The following MGST1 variants were observed in gnomAD, a reference collection of about 807,000 sequenced individuals.
MGST1 encodes glutathione S-transferase 12.
Under a neutral mutation model 8.9 loss-of-function variants are expected in MGST1, and 5 were observed. The observed-to-expected ratio is 0.56, with a 90% CI of 0.29 to 1.19. The LOEUF (loss-of-function observed/expected upper bound fraction) is 1.19. Ranked by LOEUF, MGST1 falls within the 50% of genes most tolerant of loss-of-function variation. The pLI, the probability that MGST1 is intolerant of heterozygous loss-of-function variation, is 0.08. For synonymous variants in MGST1, 54 were observed against 67.8 expected (o/e 0.80, Z 1.00); for missense variants, 182 against 187.4 (o/e 0.97, Z 0.17).
chr12:16,497,460 A>C lies in MGST1; in HGVS notation n.483-92068A>C, dbSNP rs1191552003. On this transcript the variant is annotated intron_variant and non_coding_transcript_variant, in intron 4 of 4. Coordinates refer to the MGST1 transcript ENST00000538857. The surrounding 1 kb of genome is among the most constrained non-coding windows in gnomAD (Gnocchi z 4.4). The stretch of plus-strand genomic sequence containing the variant: ...TGGAATGAAGACTGCACATTCTCAC[A>C]CTGCATCATGGTAAAGTGAAAAGAG... Among the ~76,000 whole-genome samples the C allele has an allele frequency of 6.6e-6, 1 of 152,190 alleles. No individual in the cohort carries two copies. The highest frequency in any genetic ancestry group is 1.9e-4 in the East Asian group (1 of 5,198).
At chr12:16,377,040 A>C (rs1362462006) in exon 4 of MGST1, 1 of 152,078 alleles carries the variant, frequency 6.6e-6, no homozygotes, top group Non-Finnish European at 1.5e-5. Context: ...AGCTTATCAA[A>C]ACTTACATTA....
At chr12:16,561,886 G>A (rs1321494929) in intron 4 of MGST1, among the ~76,000 whole-genome samples, 2 of 152,260 alleles carry the variant, frequency 1.3e-5, no homozygotes, top group African/African-American at 4.8e-5. Context: ...TAAAGACTTT[G>A]CTAACATAGT....
intron 4 of MGST1, among the ~76,000 whole-genome samples, chr12:16,462,258 C>T (rs1249015696): frequency 1.3e-5 from 2 of 152,140 alleles, no homozygotes; most frequent in African/African-American, 2.4e-5. Context: ...AATTTTTAAA[C>T]TTCCAACCAA....
intron 1 of MGST1, among the ~76,000 whole-genome samples, chr12:16,388,117 G>A (rs1940520785): frequency 6.6e-6 from 1 of 151,488 alleles, no homozygotes; most frequent in Admixed American, 6.6e-5. Flanking sequence ...TTAAGTTGGT[G>A]CAAAAGTAAT....
intron 4 of MGST1, among the ~76,000 whole-genome samples, chr12:16,489,354 G>A (rs1186969245): frequency 2.0e-5 from 3 of 151,966 alleles, no homozygotes; most frequent in Admixed American, 6.6e-5. Flanking sequence ...GTTTTTGAGC[G>A]ATTCTTAGTG....
At chr12:16,357,476 C>A in intron 2 of MGST1, 129 bp from the exon 3 acceptor site, 1 of 701,142 alleles carries the variant, frequency 1.4e-6, no homozygotes, top group South Asian at 2.1e-5. Flanking sequence ...CCTATGTTGC[C>A]CAGGCTGATC....
Position 16,389,965 on chromosome 12 carries a change from G to C in MGST1, n.778+6361G>C, listed in dbSNP as rs964175849. Among the ~76,000 whole-genome samples the C allele has an allele frequency of 2.2e-4, 34 of 152,222 alleles. No individual in the cohort carries two copies. The highest frequency in any genetic ancestry group is 7.7e-4 in the African/African-American group (32 of 41,464). ...GAAAAGGGAGTTGAAGTGCAATACA[G>C]ACTGCAGCTCCATCCGTCAGAGGGT... On this transcript the variant is annotated intron_variant and non_coding_transcript_variant, in intron 1 of 1. Transcript: ENST00000359720. The surrounding 1 kb of genome is among the most constrained non-coding windows in gnomAD (Gnocchi z 4.6).
At chr12:16,519,012 G>C (rs1452899220) in intron 4 of MGST1, among the ~76,000 whole-genome samples, 1 of 152,142 alleles carries the variant, frequency 6.6e-6, no homozygotes, top group East Asian at 1.9e-4. Flanking sequence ...TAATTATAAT[G>C]TCACTCCGTG....
At chr12:16,536,261 A>G (rs1941756584) in intron 4 of MGST1, among the ~76,000 whole-genome samples, 1 of 152,190 alleles carries the variant, frequency 6.6e-6, no homozygotes, top group South Asian at 2.1e-4. Flanking sequence ...ACTTTGAAGC[A>G]GGACAATAAG....
intron 4 of MGST1, among the ~76,000 whole-genome samples, chr12:16,521,333 T>C (rs1176845057): frequency 6.6e-6 from 1 of 152,226 alleles, no homozygotes; most frequent in East Asian, 1.9e-4. Context: ...TTTTGAACTT[T>C]CTACATAACA....
chr12:16,435,284 A>G (rs1477565564), intron 1 of MGST1, among the ~76,000 whole-genome samples: 2 of 151,982 alleles, frequency 1.3e-5, no homozygotes, highest in Non-Finnish European at 2.9e-5. Flanking sequence ...GATATAGCCC[A>G]GGTACACTAA....
At chr12:16,570,345 T>C (rs527263152) in intron 4 of MGST1, among the ~76,000 whole-genome samples, 7 of 152,146 alleles carry the variant, frequency 4.6e-5, no homozygotes, top group Non-Finnish European at 1.0e-4. Context: ...TTTCTTTCCA[T>C]ACACTATATA....
chr12:16,528,431 T>C (rs950268927), intron 4 of MGST1, among the ~76,000 whole-genome samples: 1 of 152,020 alleles, frequency 6.6e-6, no homozygotes, highest in Non-Finnish European at 1.5e-5. Flanking sequence ...ACCCGTGCTC[T>C]TAAGAATATT....
chr12:16,368,983 A>C (rs528140253), downstream of MGST1, among the ~76,000 whole-genome samples: 12 of 152,140 alleles, frequency 7.9e-5, no homozygotes, highest in East Asian at 1.9e-3. Context: ...TAATGACCCA[A>C]AACTAAGAGG....
Position 16,544,899 on chromosome 12 carries a change from C to G in MGST1, n.483-44629C>G, listed in dbSNP as rs1393011212. Among the ~76,000 whole-genome samples the G allele has an allele frequency of 6.6e-6, 1 of 152,014 alleles. No homozygotes were observed. The highest frequency in any genetic ancestry group is 1.5e-5 in the Non-Finnish European group (1 of 67,936). On this transcript the variant is annotated intron_variant and non_coding_transcript_variant, in intron 4 of 4. Transcript: ENST00000538857. The surrounding 1 kb of genome is among the most constrained non-coding windows in gnomAD (Gnocchi z 4.8). ...GTTTGCATCATTTTGGACAGCATAG[C>G]TAGTTCTTGTGCCCCAACCAAGGTT...
chr12:16,404,056 T>C (rs993296825), intron 1 of MGST1, among the ~76,000 whole-genome samples: 14 of 152,242 alleles, frequency 9.2e-5, no homozygotes, highest in South Asian at 4.1e-4. Context: ...GTACTCTGAT[T>C]GTAGAATTGT....
intron 3 of MGST1, among the ~76,000 whole-genome samples, chr12:16,372,039 TG>T (rs74737984): frequency 0.1 from 15,175 of 151,978 alleles, 803 homozygotes; most frequent in East Asian, 0.16. Flanking sequence ...CAAACCAAAA[TG>T]GATTAAAAGC....
At chr12:16,467,791 CCAAA>C (rs1261416991) in intron 4 of MGST1, among the ~76,000 whole-genome samples, 1 of 152,098 alleles carries the variant, frequency 6.6e-6, no homozygotes, top group Non-Finnish European at 1.5e-5. Flanking sequence ...TTAATAATTC[CCAAA>C]CAGAGTGTCT....
rs1321362822 is a variant in MGST1 at position 16,401,504 on chromosome 12, G to C, written n.778+17900G>C. On this transcript the variant is annotated intron_variant and non_coding_transcript_variant, in intron 1 of 1. Transcript: ENST00000359720. The surrounding 1 kb of genome is among the most constrained non-coding windows in gnomAD (Gnocchi z 4.3). ...TCCTTCAGCAGCTCTTCTTGAAGCT[G>C]GAGTAAAAAGTTGTAATTTTCTTGA... 2 of 865,138 alleles carry C rather than the reference G, an allele frequency of 2.3e-6. No individual in the cohort carries two copies. The highest frequency in any genetic ancestry group is 3.7e-5 in the Admixed American group (2 of 54,736). The allele number at this position is 865,138 out of a possible 1,614,324, so 53.6% of individuals were successfully genotyped here. A position where few individuals can be genotyped will look rare whatever the true frequency, so the allele number is the denominator to read the frequency against.
Sources: gnomAD v4.1 joint callset for allele counts (sites outside exome capture counted in the v4.1 genomes callset) on GRCh38, gnomAD v4.1.1 for gene constraint, Gnocchi (gnomAD v3.1) non-coding constraint, MANE v1.5 for transcripts, NCBI Gene and HGNC (gene_info 2026-07-23, HGNC 2026-07-21) for gene names.